The following RAB3IL1 variants were observed in gnomAD, a reference collection of about 807,000 sequenced individuals.
The protein encoded by RAB3IL1 is guanine nucleotide exchange factor for Rab-3A.
In RAB3IL1, 37 loss-of-function variants were observed where a neutral mutation model predicts 49.2. That is an observed-to-expected ratio of 0.75 (90% CI 0.58 to 0.99). RAB3IL1 has a LOEUF of 0.99. Ranked by LOEUF, RAB3IL1 falls within the 50% of genes least tolerant of loss-of-function variation. The pLI, the probability that RAB3IL1 is intolerant of heterozygous loss-of-function variation, is 0.00. For missense variants in RAB3IL1, 484 were observed against 513.0 expected (o/e 0.94, Z 0.55); for synonymous variants, 193 against 213.9 (o/e 0.90, Z 0.85).
chr11:61,915,318 G>A (rs1939631136), intron 1 of RAB3IL1, among the ~76,000 whole-genome samples: 1 of 152,100 alleles, frequency 6.6e-6, no homozygotes, highest in South Asian at 2.1e-4. Context: ...TGGTGGGGAG[G>A]GGTCCCTGCC....
chr11:61,899,418 C>G (rs1017508107), intron 8 of RAB3IL1, 38 bp from the exon 9 acceptor site: 2 of 1,589,110 alleles, frequency 1.3e-6, no homozygotes, highest in African/African-American at 2.7e-5. Context: ...CCTGCCAGCC[C>G]CACGCTGGGG....
At chr11:61,920,153 C>T, upstream of RAB3IL1, 3 of 1,332,016 alleles carry the variant, frequency 2.3e-6, no homozygotes, top group African/African-American at 1.5e-5. Flanking sequence ...GGACATGTCC[C>T]TCGGGCGGGG....
Position 61,898,281 on chromosome 11 carries a change from A to C in RAB3IL1, c.1146T>G (p.Ala382=). Residue 382 remains alanine, a synonymous_variant, in exon 10 of 10, where the codon GCT becomes GCG. Coordinates refer to ENST00000394836, the MANE Select transcript of RAB3IL1 (RefSeq NM_013401.4). This position sits in a 1 kb window ranked among gnomAD's most constrained non-coding sequence, Gnocchi z 5.1. ...CCCTTCAGGCCTGGGCCGCGCCCTAAGCCTCCTGGGGGAAGAAGCCGAGCT... is the reference window on the plus strand; with the variant it reads ...CCCTTCAGGCCTGGGCCGCGCCCTACGCCTCCTGGGGGAAGAAGCCGAGCT... ...LAKLGFFPQE[A] The C allele has an allele frequency of 6.2e-7, 1 of 1,612,956 alleles. No homozygotes were observed. The highest frequency in any genetic ancestry group is 8.5e-7 in the Non-Finnish European group (1 of 1,179,930).
At chr11:61,908,737 A>C (rs560940160) in intron 1 of RAB3IL1, among the ~76,000 whole-genome samples, 1 of 152,302 alleles carries the variant, frequency 6.6e-6, no homozygotes, top group South Asian at 2.1e-4. Flanking sequence ...CCTCGGATGC[A>C]CTCAAGCAGG....
chr11:61,929,578 A>G, the RAB3IL1 span, among the ~76,000 whole-genome samples: 4 of 148,926 alleles, frequency 2.7e-5, no homozygotes, highest in African/African-American at 9.8e-5. Flanking sequence ...ATTATCAAGG[A>G]GAACCAAGCA....
chr11:61,909,997 G>A lies in RAB3IL1; in HGVS notation c.12-1691C>T, dbSNP rs749112514. The stretch of plus-strand genomic sequence containing the variant: ...ATTGTGCCACTGCACTCCAGCCTGG[G>A]TGACAGAGCGAAACTCTGTCTCAAA... On this transcript the variant is annotated intron_variant, in intron 1 of 9. Coordinates refer to ENST00000394836, the MANE Select transcript of RAB3IL1 (RefSeq NM_013401.4). Among the ~76,000 whole-genome samples the A allele has an allele frequency of 5.3e-5, 8 of 152,184 alleles. No homozygotes were observed. The South Asian group carries it at 1.2e-3, about 24-fold the overall frequency.
Position 61,917,333 on chromosome 11 carries a change from G to A in RAB3IL1, c.11+24C>T. The A allele has an allele frequency of 2.3e-6, 3 of 1,317,512 alleles. No individual in the cohort carries two copies. In the South Asian group the frequency reaches 6.0e-5, roughly 26 times the overall value. 81.6% of individuals were successfully genotyped at this position (1,317,512 alleles called of 1,614,324 possible). A position where few individuals can be genotyped will look rare whatever the true frequency, so the allele number is the denominator to read the frequency against. On this transcript the variant is annotated intron_variant, in intron 1 of 9. Coordinates refer to ENST00000394836, the MANE Select transcript of RAB3IL1 (RefSeq NM_013401.4). ...CGACCGCGGCCCAGACCCAGCGCGG[G>A]ACCGCGAGCGCGCGCGGACCTACCC...
At chr11:61,911,172 TG>T (rs1336317370) in intron 1 of RAB3IL1, among the ~76,000 whole-genome samples, 1 of 152,208 alleles carries the variant, frequency 6.6e-6, no homozygotes, top group African/African-American at 2.4e-5. Flanking sequence ...CCAGGAGGCC[TG>T]TGACAGAGTC....
the RAB3IL1 span, among the ~76,000 whole-genome samples, chr11:61,925,420 C>T: frequency 6.6e-6 from 1 of 152,020 alleles, no homozygotes; most frequent in Non-Finnish European, 1.5e-5. Flanking sequence ...GATCACTTGA[C>T]GTCAGGAGTT....
In RAB3IL1 at chr11:61,907,590, T is replaced by C; in HGVS notation, c.335A>G (p.Glu112Gly). Residue 112 changes from glutamate (E) to glycine (G), a missense_variant, in exon 3 of 10, where the codon GAA (glutamate) becomes GGA (glycine). By Grantham distance (98) the Glu-to-Gly change is moderately conservative. Coordinates refer to ENST00000394836, the MANE Select transcript of RAB3IL1 (RefSeq NM_013401.4). Reference sequence around the variant, plus strand: ...CTCAAACAGGCTGGCCGTCAGCTCTTCCAGCTCCTGTTCTAGCTGCTCCCG... The same window carrying C: ...CTCAAACAGGCTGGCCGTCAGCTCTCCCAGCTCCTGTTCTAGCTGCTCCCG... ...KVREQLEQEL[E>G]ELTASLFEEA... The C allele has an allele frequency of 6.2e-7, 1 of 1,614,102 alleles. No individual in the cohort carries two copies. The highest frequency in any genetic ancestry group is 8.5e-7 in the Non-Finnish European group (1 of 1,180,008).
Position 61,904,685 on chromosome 11 carries a change from G to A in RAB3IL1, c.787-27C>T, listed in dbSNP as rs1939089422. ...TGTGGCAGACCAGGGAGGCAGGCAG[G>A]GTGGTAAGGGGCTGGGCCCTGGCGG... On this transcript the variant is annotated intron_variant, in intron 6 of 9. Transcript: ENST00000394836. 3 of 1,599,256 alleles carry A rather than the reference G, an allele frequency of 1.9e-6. No homozygotes were observed. The South Asian group carries it at 3.4e-5, about 18-fold the overall frequency.
At chr11:61,939,548 G>A in the RAB3IL1 span, among the ~76,000 whole-genome samples, 1 of 145,756 alleles carries the variant, frequency 6.9e-6, no homozygotes, top group African/African-American at 2.5e-5. Flanking sequence ...ATAGAAAAGA[G>A]AAAAACAACA....
At chr11:61,904,708 C>A in intron 6 of RAB3IL1, 46 bp downstream of exon 6, 1 of 1,582,704 alleles carries the variant, frequency 6.3e-7, no homozygotes, top group Non-Finnish European at 8.6e-7. Context: ...TGGGCCCTGG[C>A]GGAGGGGTGT....
the RAB3IL1 span, among the ~76,000 whole-genome samples, chr11:61,934,425 T>G: frequency 2.6e-5 from 1 of 38,494 alleles, no homozygotes; most frequent in South Asian, 7.2e-4. Flanking sequence ...TATATATGTG[T>G]ATGTGTGTGT....
At position 61,907,627 on chromosome 11, in the gene RAB3IL1, G is replaced by A; in HGVS notation, c.298C>T (p.Leu100=). ...TCTAGCTGCTCCCGCACCTTGGACA[G>A]CCGCTCACATTCCTCGTCCTTTAGC... ...LKLKDEECER[L]SKVREQLEQE... is the part of the protein sequence containing the mutation. The change falls in exon 3 of 10, where the codon CTG becomes TTG. Residue 100 remains leucine (L), a synonymous_variant. Coordinates refer to ENST00000394836, the MANE Select transcript of RAB3IL1 (RefSeq NM_013401.4). 1 of 1,614,118 alleles carries A rather than the reference G, an allele frequency of 6.2e-7. No homozygotes were observed. The highest frequency in any genetic ancestry group is 8.5e-7 in the Non-Finnish European group (1 of 1,180,024).
At chr11:61,927,699 C>T in the RAB3IL1 span, among the ~76,000 whole-genome samples, 1 of 57,402 alleles carries the variant, frequency 1.7e-5, no homozygotes, top group Non-Finnish European at 3.6e-5. Flanking sequence ...TAATATATTT[C>T]CCCCCTGCTG....
chr11:61,898,926 A>G lies in RAB3IL1; in HGVS notation c.1066+388T>C. 2.1e-6 allele frequency: 1 copy of G among 482,344 alleles called. No homozygotes were observed. Among genetic ancestry groups the G allele is most frequent in the Non-Finnish European group, 4.1e-6 (1 of 244,896 alleles). 29.9% of individuals were successfully genotyped at this position (482,344 alleles called of 1,614,324 possible). On this transcript the variant is annotated intron_variant, in intron 9 of 9. Coordinates refer to ENST00000394836, the MANE Select transcript of RAB3IL1 (RefSeq NM_013401.4). The surrounding 1 kb of genome is among the most constrained non-coding windows in gnomAD (Gnocchi z 5.1). Reference sequence around the variant, plus strand: ...AGGAGCGGGGAGCCAGGCCTTGCAGAATGGGCTGTGGGGGGAGGGGGTGGA... The same window carrying G: ...AGGAGCGGGGAGCCAGGCCTTGCAGGATGGGCTGTGGGGGGAGGGGGTGGA...
At chr11:61,934,450 GTATATATATATATA>G in the RAB3IL1 span, among the ~76,000 whole-genome samples, 644 of 31,652 alleles carry the variant, frequency 0.02, 46 homozygotes, top group African/African-American at 0.052. Flanking sequence ...GTGTGTGTAT[GTATATATATATATA>G]TATATATATA....
At chr11:61,915,670 C>T (rs1345004804) in intron 1 of RAB3IL1, among the ~76,000 whole-genome samples, 1 of 152,162 alleles carries the variant, frequency 6.6e-6, no homozygotes, top group East Asian at 1.9e-4. Flanking sequence ...AGCACTTTCT[C>T]CTAAGCCAGC....
Sources: allele counts gnomAD v4.1 joint callset (sites outside exome capture counted in the v4.1 genomes callset), GRCh38; gene constraint gnomAD v4.1.1; non-coding constraint Gnocchi (gnomAD v3.1); transcripts MANE v1.5; gene names NCBI Gene and HGNC (gene_info 2026-07-23, HGNC 2026-07-21).